NAV1: variants seen among roughly 807,000 people sequenced by gnomAD.
NAV1 encodes the protein pore membrane and/or filament interacting like protein 3.
In NAV1, 18 loss-of-function variants were observed where a neutral mutation model predicts 175.2. That is an observed-to-expected ratio of 0.10 (90% confidence interval 0.07 to 0.15). The LOEUF is 0.15. Ranked by LOEUF, NAV1 falls within the 10% of genes least tolerant of loss-of-function variation. The pLI, the probability that NAV1 is intolerant of heterozygous loss-of-function variation, is 1.00. For missense variants in NAV1, 1,731 were observed against 2,436.6 expected (o/e 0.71, Z 6.10); for synonymous variants, 897 against 978.7 (o/e 0.92, Z 1.56).
At chr1:201,545,354 T>C (rs1341297827) in intron 1 of NAV1, among the ~76,000 whole-genome samples, 1 of 151,976 alleles carries the variant, frequency 6.6e-6, no homozygotes, top group African/African-American at 2.4e-5. Flanking sequence ...TAATCTTTTT[T>C]CTTTTCTTTT....
intron 2 of NAV1, among the ~76,000 whole-genome samples, chr1:201,614,186 T>G (rs1667935407): frequency 6.6e-6 from 1 of 152,186 alleles, no homozygotes; most frequent in Admixed American, 6.5e-5. Flanking sequence ...GTAAATATTT[T>G]CCTTGTCCTC....
At chr1:201,693,236 G>A (rs1671033438) in intron 1 of NAV1, among the ~76,000 whole-genome samples, 1 of 152,264 alleles carries the variant, frequency 6.6e-6, no homozygotes, top group South Asian at 2.1e-4. Context: ...GCAGATGGAT[G>A]TGTAAAGAGG....
rs78965711 is a variant in NAV1 at position 201,605,024 on chromosome 1, T to C, written c.-33+16375T>C. On this transcript the variant is annotated intron_variant, in intron 2 of 33. Coordinates refer to the NAV1 transcript ENST00000685211. ...CAATGTAAACACAGCTATGCAAATA[T>C]ATTAATGGATATTTGTTTTGCTTTG... 1.6e-3 allele frequency among the ~76,000 whole-genome samples: 248 copies of C among 151,216 alleles called. 1 individual carries two copies. The highest frequency in any genetic ancestry group is 2.6e-3 in the Non-Finnish European group (177 of 67,462).
In NAV1 at chr1:201,787,289, G is replaced by A. The variant is rs141386035; in HGVS notation, c.2995+712G>A. On this transcript the variant is annotated intron_variant, in intron 9 of 29. Transcript: ENST00000367296. This position sits in a 1 kb window ranked among gnomAD's most constrained non-coding sequence, Gnocchi z 4.3. ...GAATCCATTCAGGAATAGTGCCTGG[G>A]ATAGGCCTGTTATCTGCTTGCTGCA... is the stretch of plus-strand genomic sequence containing the variant. Among the ~76,000 whole-genome samples the A allele has an allele frequency of 2.1e-3, 314 of 152,316 alleles. 5 individuals are homozygous for A. The highest frequency in any genetic ancestry group is 7.3e-3 in the African/African-American group (304 of 41,564).
At chr1:201,789,079 A>T (rs1239677747) in intron 10 of NAV1, among the ~76,000 whole-genome samples, 4 of 152,208 alleles carry the variant, frequency 2.6e-5, no homozygotes, top group Non-Finnish European at 5.9e-5. Context: ...TGTTCCAAAG[A>T]TGAGCATCAG....
intron 1 of NAV1, among the ~76,000 whole-genome samples, chr1:201,684,077 C>T (rs1333100164): frequency 6.6e-6 from 1 of 152,154 alleles, no homozygotes; most frequent in Non-Finnish European, 1.5e-5. Context: ...TTTTAACTGG[C>T]ATCTGTGTCC....
In NAV1 at chr1:201,813,074, A is replaced by C; in HGVS notation, c.5222-66A>C. The C allele has an allele frequency of 8.4e-7, 1 of 1,192,452 alleles. No homozygotes were observed. The highest frequency in any genetic ancestry group is 1.2e-6 in the Non-Finnish European group (1 of 807,268). The allele number at this position is 1,192,452 out of a possible 1,614,324, so 73.9% of individuals were successfully genotyped here. A position where few individuals can be genotyped will look rare whatever the true frequency, so the allele number is the denominator to read the frequency against. On this transcript the variant is annotated intron_variant, in intron 27 of 29. Coordinates refer to ENST00000367296, the Ensembl canonical transcript of NAV1. The surrounding 1 kb of genome is among the most constrained non-coding windows in gnomAD (Gnocchi z 4.2). ...CCCCTCTGCCTGGTACTAAGGAGTA[A>C]AAGAGGCACACAACCGGGAAGATCT...
chr1:201,783,492 G>A, exon 7 of NAV1: 1 of 1,614,154 alleles, frequency 6.2e-7, no homozygotes, highest in Non-Finnish European at 8.5e-7. Context: ...CCATCATCCA[G>A]TGATACCACC....
At chr1:201,681,794 G>A (rs1670476067) in intron 1 of NAV1, among the ~76,000 whole-genome samples, 1 of 152,056 alleles carries the variant, frequency 6.6e-6, no homozygotes, top group South Asian at 2.1e-4. Flanking sequence ...CAAATATGGT[G>A]AAACCCCATC....
chr1:201,804,363 G>T, intron 16 of NAV1, 126 bp from the exon 21 acceptor site: 1 of 962,600 alleles, frequency 1.0e-6, no homozygotes, highest in Non-Finnish European at 1.5e-6. Context: ...CCCCTGTTCA[G>T]TAAGACACAC....
chr1:201,683,017 A>T (rs1670525816), intron 1 of NAV1, among the ~76,000 whole-genome samples: 1 of 152,084 alleles, frequency 6.6e-6, no homozygotes, highest in African/African-American at 2.4e-5. Context: ...TCCAGACTTT[A>T]TTTGGATTTA....
intron 3 of NAV1, among the ~76,000 whole-genome samples, chr1:201,752,058 T>C (rs954223440): frequency 6.6e-5 from 10 of 152,308 alleles, no homozygotes; most frequent in African/African-American, 2.4e-4. Flanking sequence ...TTGACCTCCA[T>C]GCACAATGTG....
At chr1:201,776,764 TGAA>T (rs1472525836) in intron 3 of NAV1, among the ~76,000 whole-genome samples, 1 of 149,736 alleles carries the variant, frequency 6.7e-6, no homozygotes, top group Non-Finnish European at 1.5e-5. Context: ...AACTGAAAAA[TGAA>T]GAGAAAATCA....
chr1:201,741,970 C>T (rs1481452555), intron 3 of NAV1, among the ~76,000 whole-genome samples: 1 of 152,148 alleles, frequency 6.6e-6, no homozygotes, highest in Non-Finnish European at 1.5e-5. Context: ...AGGAGCAGGT[C>T]ATGTTACACC....
chr1:201,812,037 T>G lies in NAV1; in HGVS notation c.5024+63T>G. The G allele has an allele frequency of 6.9e-7, 1 of 1,458,246 alleles. No individual in the cohort carries two copies. The highest frequency in any genetic ancestry group is 9.6e-7 in the Non-Finnish European group (1 of 1,038,222). 90.3% of individuals were successfully genotyped at this position (1,458,246 alleles called of 1,614,324 possible). ...CCCAAGAGTCTTCAATCCTGGACTC[T>G]GGCCAGGAGGCAGTAGATAGGAGAA... is the stretch of plus-strand genomic sequence containing the variant. On this transcript the variant is annotated intron_variant, in intron 26 of 29. Coordinates refer to ENST00000367296, the Ensembl canonical transcript of NAV1. This position sits in a 1 kb window ranked among gnomAD's most constrained non-coding sequence, Gnocchi z 4.6.
At chr1:201,596,183 G>T (rs1425026955) in intron 2 of NAV1, among the ~76,000 whole-genome samples, 1 of 152,228 alleles carries the variant, frequency 6.6e-6, no homozygotes, top group Non-Finnish European at 1.5e-5. Flanking sequence ...TGGAAGCAAT[G>T]CCTGGCATGT....
chr1:201,784,002 TC>T (rs1676525981), intron 7 of NAV1, 150 bp downstream of exon 11: 2 of 653,158 alleles, frequency 3.1e-6, no homozygotes, highest in Non-Finnish European at 5.0e-6. Context: ...TCACAACAAC[TC>T]CATGAGATAG....
chr1:201,543,789 A>C (rs1328104309), intron 1 of NAV1, among the ~76,000 whole-genome samples: 2 of 152,272 alleles, frequency 1.3e-5, no homozygotes, highest in African/African-American at 2.4e-5. Context: ...TTACCTTCCC[A>C]AACTTAAACT....
chr1:201,662,055 A>G (rs1186577693), intron 1 of NAV1, among the ~76,000 whole-genome samples: 1 of 152,266 alleles, frequency 6.6e-6, no homozygotes, highest in Non-Finnish European at 1.5e-5. Context: ...GAGTCTGGGT[A>G]TGACCCCCAG....
Sources: gnomAD v4.1 joint callset for allele counts (sites outside exome capture counted in the v4.1 genomes callset) on GRCh38, gnomAD v4.1.1 for gene constraint, Gnocchi (gnomAD v3.1) non-coding constraint, MANE v1.5 for transcripts, NCBI Gene and HGNC (gene_info 2026-07-23, HGNC 2026-07-21) for gene names.